SEC14L2: variants seen among roughly 807,000 people sequenced by gnomAD.
SEC14L2 encodes SEC14 like lipid binding 2.
Under a neutral mutation model 56.9 loss-of-function variants are expected in SEC14L2, and 50 were observed. That is an observed-to-expected ratio of 0.88 (90% CI 0.70 to 1.11). The LOEUF (loss-of-function observed/expected upper bound fraction) is 1.11, where lower values mean the gene tolerates loss of function less well. Ranked by LOEUF, SEC14L2 falls within the 50% of genes most tolerant of loss-of-function variation. SEC14L2 has a pLI of 0.00. For synonymous variants in SEC14L2, 179 were observed against 188.5 expected (o/e 0.95, Z 0.41); for missense variants, 414 against 500.7 (o/e 0.83, Z 1.65).
rs965437022 is a variant in SEC14L2 at position 30,410,120 on chromosome 22, C to T, written c.581-476C>T. ...GGCTGAAGCACAAAAATCACTTGAACCCGGGAGGTGGAGGATGCAGTGAGC... is the reference window on the plus strand; with the variant it reads ...GGCTGAAGCACAAAAATCACTTGAATCCGGGAGGTGGAGGATGCAGTGAGC... On this transcript the variant is annotated intron_variant, in intron 7 of 11. Transcript: ENST00000615189. 2.6e-5 allele frequency among the ~76,000 whole-genome samples: 4 copies of T among 151,064 alleles called. No individual in the cohort carries two copies. In the Admixed American group the frequency reaches 2.7e-4, roughly 10 times the overall value.
At chr22:30,406,506 T>G in intron 3 of SEC14L2, 121 bp downstream of exon 3, 1 of 925,134 alleles carries the variant, frequency 1.1e-6, no homozygotes, top group Non-Finnish European at 1.7e-6. Context: ...AGCCGACCAC[T>G]GTTGCCTTAT....
In SEC14L2 at chr22:30,407,410, C is replaced by A. The variant is rs1934126180; in HGVS notation, c.235-5C>A. On this transcript the variant is annotated splice_region_variant and splice_polypyrimidine_tract_variant and intron_variant, in intron 4 of 11. Coordinates refer to ENST00000615189, the MANE Select transcript of SEC14L2 (RefSeq NM_012429.5). ...ACCAGGTGGCTCCTCTGTGTCTTTGCCCAGGTGATCCAACAGTATCTGTCA... is the reference window on the plus strand; with the variant it reads ...ACCAGGTGGCTCCTCTGTGTCTTTGACCAGGTGATCCAACAGTATCTGTCA... 45 of 1,611,082 alleles carry A rather than the reference C, an allele frequency of 2.8e-5. No homozygotes were observed. In the East Asian group the frequency reaches 9.8e-4, roughly 35 times the overall value.
chr22:30,419,252 T>C (rs1395755640), intron 11 of SEC14L2, among the ~76,000 whole-genome samples: 1 of 152,120 alleles, frequency 6.6e-6, no homozygotes, highest in Admixed American at 6.6e-5. Flanking sequence ...TCCTTCTCCT[T>C]AAAATGACAG....
At position 30,417,656 on chromosome 22, in the gene SEC14L2, C is replaced by A. The variant is rs117582135; in HGVS notation, c.1081+1253C>A. ...TGGCATAGAGCAAGCACTCAATGCA[C>A]TGCAGTCACCACTATTATTGTTAGG... On this transcript the variant is annotated intron_variant, in intron 11 of 11. Coordinates refer to ENST00000615189, the MANE Select transcript of SEC14L2 (RefSeq NM_012429.5). Among the ~76,000 whole-genome samples, 88 of 152,334 alleles carry A rather than the reference C, an allele frequency of 5.8e-4. 1 individual carries two copies. In the East Asian group the frequency reaches 0.015, roughly 26 times the overall value.
intron 2 of SEC14L2, among the ~76,000 whole-genome samples, chr22:30,404,009 C>CAAAAAAAAAAAAAAAAAA (rs67366822): frequency 1.4e-4 from 13 of 93,234 alleles, no homozygotes; most frequent in Non-Finnish European, 2.1e-4. Flanking sequence ...GACTCCGTCT[C>CAAAAAAAAAAAAAAAAAA]AAAAAAAAAA....
chr22:30,412,823 CA>C (rs56684429), intron 8 of SEC14L2, among the ~76,000 whole-genome samples: 37 of 63,858 alleles, frequency 5.8e-4, no homozygotes, highest in Middle Eastern at 9.6e-3. Flanking sequence ...AACCCTGTCT[CA>C]AAAAAAAAAA....
chr22:30,401,186 GATTTATTT>G (rs55835116), intron 2 of SEC14L2, among the ~76,000 whole-genome samples: 15,246 of 146,360 alleles, frequency 0.1, 850 homozygotes, highest in Middle Eastern at 0.2. Context: ...GGTCTCAAGT[GATTTATTT>G]ATTTATTTAT....
chr22:30,412,832 A>C (rs9620980), intron 8 of SEC14L2, among the ~76,000 whole-genome samples: 5,582 of 142,736 alleles, frequency 0.039, 348 homozygotes, highest in African/African-American at 0.13. Context: ...TCAAAAAAAA[A>C]AAACAAACAA....
In SEC14L2 at chr22:30,401,466, G is replaced by A. The variant is rs185505411; in HGVS notation, c.130+1748G>A. Among the ~76,000 whole-genome samples, 379 of 151,362 alleles carry A rather than the reference G, an allele frequency of 2.5e-3. 2 individuals carry two copies. Among genetic ancestry groups the A allele is most frequent in the African/African-American group, 8.0e-3 (330 of 41,260 alleles). ...CTCCCAAAGTGTTAGGATTACAGGC[G>A]TGAGCCACCACACCTGGCTGTTATT... On this transcript the variant is annotated intron_variant, in intron 2 of 11. Transcript: ENST00000615189.
At position 30,415,835 on chromosome 22, in the gene SEC14L2, C is replaced by A. The variant is rs775206872; in HGVS notation, c.741C>A (p.Asp247Glu). Reference sequence around the variant, plus strand: ...TGGAGTATGGGGGCACCATGACTGACCCTGATGGAAACCCCAAGTGCAAAT... The same window carrying A: ...TGGAGTATGGGGGCACCATGACTGAACCTGATGGAAACCCCAAGTGCAAAT... ...VPVEYGGTMT[D>E]PDGNPKCKSK... Residue 247 changes from aspartate to glutamate, a missense_variant, in exon 9 of 12, where the codon GAC (aspartate) becomes GAA (glutamate). Transcript: ENST00000615189. 3 of 1,614,044 alleles carry A rather than the reference C, an allele frequency of 1.9e-6. No individual in the cohort carries two copies. In the East Asian group the frequency reaches 6.7e-5, roughly 36 times the overall value.
At chr22:30,416,441 T>C (rs1934393936) in intron 11 of SEC14L2, 38 bp downstream of exon 11, 3 of 1,614,110 alleles carry the variant, frequency 1.9e-6, no homozygotes, top group South Asian at 1.1e-5. Context: ...TGAAGCCCCA[T>C]GTCCAGCTTT....
In SEC14L2 at chr22:30,415,988, G is replaced by A. The variant is rs758409597; in HGVS notation, c.812G>A (p.Arg271Gln). Residue 271 changes from arginine (R) to glutamine (Q), a missense_variant, in exon 10 of 12, where the codon CGA becomes CAA. By Grantham distance (43) the Arg-to-Gln change is conservative. Transcript: ENST00000615189. ...GACATCCCCAGGAAGTATTATGTGCGAGACCAGGTGAAACAGCAGTATGAA... is the reference window on the plus strand; with the variant it reads ...GACATCCCCAGGAAGTATTATGTGCAAGACCAGGTGAAACAGCAGTATGAA... ...GGDIPRKYYV[R>Q]DQVKQQYEHS... 13 of 1,614,110 alleles carry A rather than the reference G, an allele frequency of 8.1e-6. No homozygotes were observed. The highest frequency in any genetic ancestry group is 2.2e-5 in the East Asian group (1 of 44,900).
chr22:30,419,956 T>TC (rs1478224736), intron 11 of SEC14L2, among the ~76,000 whole-genome samples: 1 of 150,720 alleles, frequency 6.6e-6, no homozygotes, highest in Non-Finnish European at 1.5e-5. Context: ...TCTTTTCTTT[T>TC]CTTTTTTTTT....
intron 2 of SEC14L2, among the ~76,000 whole-genome samples, chr22:30,402,754 T>G: frequency 6.9e-6 from 1 of 145,796 alleles, no homozygotes; most frequent in Non-Finnish European, 1.5e-5. Context: ...TTTTTTTTTG[T>G]CCCTAAAAAA....
At chr22:30,416,984 G>A (rs137882703) in intron 11 of SEC14L2, 5,806 of 432,122 alleles carry the variant, frequency 0.013, 81 homozygotes, top group Middle Eastern at 0.036. Flanking sequence ...AATTCTACTT[G>A]TGAAAATTTA....
chr22:30,422,169 G>A (rs1408755410), intron 11 of SEC14L2, 108 bp from the exon 12 acceptor site: 3 of 1,386,782 alleles, frequency 2.2e-6, no homozygotes, highest in Admixed American at 1.9e-5. Flanking sequence ...TCATCCCCAT[G>A]ACCTGCCACA....
rs1416260131 is a variant in SEC14L2, at chr22:30,422,356, C to G, written c.1161C>G (p.Asp387Glu). Residue 387 changes from aspartate (D) to glutamate (E), a missense_variant, in exon 12 of 12, where the codon GAC becomes GAG. Physicochemically the swap from Asp to Glu is conservative, Grantham distance 45. Coordinates refer to ENST00000615189, the MANE Select transcript of SEC14L2 (RefSeq NM_012429.5). ...VNFTVEVLLP[D>E]KASEEKMKQL... ...TCACTGTGGAGGTCCTGCTTCCAGA[C>G]AAAGCCTCAGAAGAGAAGATGAAAC... The G allele has an allele frequency of 2.5e-6, 4 of 1,614,220 alleles. No individual in the cohort carries two copies. Among genetic ancestry groups the G allele is most frequent in the Non-Finnish European group, 3.4e-6 (4 of 1,180,030 alleles).
chr22:30,397,641 G>A (rs969933804), intron 1 of SEC14L2: 2 of 321,706 alleles, frequency 6.2e-6, no homozygotes, highest in Non-Finnish European at 1.2e-5. Context: ...CCAAGCCGCT[G>A]TGCGACCTTG....
chr22:30,417,472 T>A (rs1362705206), intron 11 of SEC14L2, among the ~76,000 whole-genome samples: 1 of 152,212 alleles, frequency 6.6e-6, no homozygotes, highest in Non-Finnish European at 1.5e-5. Flanking sequence ...AAAGGCTTTA[T>A]CATCAGAGCT....
Sources: gnomAD v4.1 joint callset for allele counts (sites outside exome capture counted in the v4.1 genomes callset) on GRCh38, gnomAD v4.1.1 for gene constraint, MANE v1.5 for transcripts, NCBI Gene and HGNC (gene_info 2026-07-23, HGNC 2026-07-21) for gene names.